LARS2: variants seen among roughly 807,000 people sequenced by gnomAD.
The protein encoded by LARS2 is leucyl-tRNA synthetase 2, mitochondrial.
LARS2 carries 81 observed loss-of-function variants against 116.6 expected under a neutral mutation model. The ratio of observed to expected loss-of-function variants is 0.69; its 90% CI spans 0.58 to 0.84. The LOEUF (loss-of-function observed/expected upper bound fraction) is 0.84. LARS2 is among the 40% of genes least tolerant of loss of function. The pLI, the probability that LARS2 is intolerant of heterozygous loss-of-function variation, is 0.00. For missense variants in LARS2, 968 were observed against 1,114.5 expected (o/e 0.87, Z 1.87); for synonymous variants, 396 against 407.2 (o/e 0.97, Z 0.33).
At chr3:45,476,288 T>C (rs966657013) in intron 9 of LARS2, among the ~76,000 whole-genome samples, 180 bp from the exon 10 acceptor site, 1 of 152,162 alleles carries the variant, frequency 6.6e-6, no homozygotes, top group Non-Finnish European at 1.5e-5. Context: ...AAAGAGGAAC[T>C]GTGATCCTCT....
intron 6 of LARS2, among the ~76,000 whole-genome samples, chr3:45,440,427 T>G (rs1432566608): frequency 6.6e-6 from 1 of 152,110 alleles, no homozygotes; most frequent in Non-Finnish European, 1.5e-5. Context: ...CAAGACTCAT[T>G]GTTTTGAAGG....
chr3:45,478,820 T>A (rs1699655150), intron 10 of LARS2, among the ~76,000 whole-genome samples: 1 of 152,224 alleles, frequency 6.6e-6, no homozygotes, highest in African/African-American at 2.4e-5. Context: ...ATTTTTGACA[T>A]CATAGTCACA....
intron 7 of LARS2, among the ~76,000 whole-genome samples, chr3:45,449,084 C>G (rs1164626998): frequency 6.6e-6 from 1 of 152,030 alleles, no homozygotes; most frequent in Non-Finnish European, 1.5e-5. Context: ...CTGCATCATC[C>G]TACGGTAGAA....
chr3:45,501,150 C>T (rs1000561825), intron 15 of LARS2, among the ~76,000 whole-genome samples: 7 of 149,116 alleles, frequency 4.7e-5, no homozygotes, highest in Non-Finnish European at 8.9e-5. Flanking sequence ...AATGGTACAA[C>T]ACATTAAATA....
intron 21 of LARS2, 61 bp from the exon 22 acceptor site, chr3:45,547,290 T>TTACA: frequency 6.8e-7 from 1 of 1,479,802 alleles, no homozygotes; most frequent in Non-Finnish European, 9.2e-7. Flanking sequence ...GGTTTGGTAT[T>TTACA]GGGCCGCCTG....
intron 16 of LARS2, among the ~76,000 whole-genome samples, chr3:45,514,313 A>G (rs1700338508): frequency 6.6e-6 from 1 of 152,270 alleles, no homozygotes; most frequent in African/African-American, 2.4e-5. Context: ...AAACTAGTGC[A>G]TAATGGATGA....
At chr3:45,522,592 G>T (rs529504713) in intron 19 of LARS2, among the ~76,000 whole-genome samples, 2 of 152,034 alleles carry the variant, frequency 1.3e-5, no homozygotes, top group African/African-American at 4.8e-5. Context: ...ATCAGCCAGG[G>T]TGTGGTGGTG....
chr3:45,488,856 G>T, intron 12 of LARS2, 44 bp downstream of exon 12: 1 of 1,182,588 alleles, frequency 8.5e-7, no homozygotes, highest in South Asian at 1.2e-5. Flanking sequence ...ACCTTGATAC[G>T]ACTTTGATAG....
At chr3:45,539,919 T>G (rs944897255) in intron 20 of LARS2, among the ~76,000 whole-genome samples, 31 of 152,252 alleles carry the variant, frequency 2.0e-4, no homozygotes, top group African/African-American at 7.5e-4. Context: ...TAGAGTTGCT[T>G]TATATATACA....
At chr3:45,401,282 A>G (rs1698144040) in intron 4 of LARS2, among the ~76,000 whole-genome samples, 1 of 152,076 alleles carries the variant, frequency 6.6e-6, no homozygotes, top group African/African-American at 2.4e-5. Flanking sequence ...CAGGAGGATT[A>G]CTTGAGCCCA....
chr3:45,501,399 T>C (rs1193852876), intron 15 of LARS2, among the ~76,000 whole-genome samples: 2 of 152,056 alleles, frequency 1.3e-5, no homozygotes, highest in Admixed American at 6.6e-5. Flanking sequence ...TTTTCCTGTG[T>C]TTGAACTTTA....
chr3:45,541,398 TTG>T (rs1159572850), intron 20 of LARS2, among the ~76,000 whole-genome samples: 15 of 152,134 alleles, frequency 9.9e-5, no homozygotes, highest in African/African-American at 3.6e-4. Context: ...GCTCCAGTAA[TTG>T]TGAGTAAAAG....
chr3:45,520,361 A>T, intron 19 of LARS2, 65 bp downstream of exon 19: 1 of 1,212,702 alleles, frequency 8.2e-7, no homozygotes, highest in Non-Finnish European at 1.2e-6. Context: ...AAGGGGCCCC[A>T]CAGGGTCCCA....
intron 8 of LARS2, among the ~76,000 whole-genome samples, chr3:45,463,188 G>A (rs1268399583): frequency 6.6e-6 from 1 of 152,220 alleles, no homozygotes; most frequent in Non-Finnish European, 1.5e-5. Flanking sequence ...ACTGGAAGGA[G>A]AGGCAAATAG....
At chr3:45,434,875 C>G (rs1266505574) in intron 6 of LARS2, among the ~76,000 whole-genome samples, 1 of 152,160 alleles carries the variant, frequency 6.6e-6, no homozygotes, top group East Asian at 1.9e-4. Flanking sequence ...TCCCCACTAG[C>G]CTTCCACCAG....
Position 45,491,573 on chromosome 3 carries a change from G to A in LARS2, c.1296G>A (p.Gly432=), listed in dbSNP as rs866626104. The A allele has an allele frequency of 9.3e-6, 15 of 1,614,208 alleles. 1 individual carries two copies. In the Middle Eastern group the frequency reaches 1.3e-3, roughly 142 times the overall value. The change falls in exon 13 of 22, where the codon GGG becomes GGA. Residue 432 remains glycine (G), a synonymous_variant. Transcript: ENST00000645846. ...TAGCCCTGACTCAGAAAGCCCGGGGGAAGAGAGTGGGTGGAGACGTGACAA... is the reference window on the plus strand; with the variant it reads ...TAGCCCTGACTCAGAAAGCCCGGGGAAAGAGAGTGGGTGGAGACGTGACAA... ...AFLALTQKAR[G]KRVGGDVTSD...
At chr3:45,423,849 C>T (rs1698552418) in intron 6 of LARS2, among the ~76,000 whole-genome samples, 1 of 152,134 alleles carries the variant, frequency 6.6e-6, no homozygotes, top group Non-Finnish European at 1.5e-5. Flanking sequence ...GCTGCTTTCA[C>T]CTACAAACAG....
In LARS2 at chr3:45,417,472, T is replaced by C. The variant is rs1248964171; in HGVS notation, c.364-10T>C. ...TTTGCCATGGTTGATGTTCCTCTTC[T>C]GGGTCCTAGGTCATCAACCCCATGG... On this transcript the variant is annotated splice_polypyrimidine_tract_variant and intron_variant, in intron 4 of 21. Transcript: ENST00000645846. 4 of 1,607,382 alleles carry C rather than the reference T, an allele frequency of 2.5e-6. No homozygotes were observed. The African/African-American group carries it at 5.3e-5, about 21-fold the overall frequency.
At position 45,430,836 on chromosome 3, in the gene LARS2, C is replaced by T. The variant is rs540363142; in HGVS notation, c.516+11107C>T. 1.9e-3 allele frequency among the ~76,000 whole-genome samples: 294 copies of T among 152,090 alleles called. 2 individuals carry two copies. The highest frequency in any genetic ancestry group is 6.8e-3 in the African/African-American group (284 of 41,478). On this transcript the variant is annotated intron_variant, in intron 6 of 21. Coordinates refer to ENST00000645846, the MANE Select transcript of LARS2 (RefSeq NM_015340.4). ...CCCTGACCTCATGATCCGCCCATCT[C>T]GGCCTCCCAAAGTGCTGGGATTATA...
Sources: gnomAD v4.1 joint callset for allele counts (sites outside exome capture counted in the v4.1 genomes callset) on GRCh38, gnomAD v4.1.1 for gene constraint, MANE v1.5 for transcripts, NCBI Gene and HGNC (gene_info 2026-07-23, HGNC 2026-07-21) for gene names.